The following PIN4 variants were observed in gnomAD, a reference collection of about 807,000 sequenced individuals.
PIN4 encodes the protein peptidylprolyl cis/trans isomerase, NIMA-interacting 4.
Under a neutral mutation model 8.3 loss-of-function variants are expected in PIN4, and 3 were observed. The observed-to-expected ratio is 0.36, with a 90% confidence interval of 0.16 to 0.93. The LOEUF is 0.93. PIN4 is among the 40% of genes least tolerant of loss of function. The pLI is 0.44. For synonymous variants in PIN4, 18 were observed against 32.5 expected (o/e 0.55, Z 1.52); for missense variants, 75 against 100.6 (o/e 0.75, Z 1.09).
At chrX:72,235,602 AG>A (rs372468352) in intron 3 of PIN4, among the ~76,000 whole-genome samples, 2,534 of 110,778 alleles carry the variant, frequency 0.023, 81 homozygotes, top group African/African-American at 0.08. Context: ...CACGTTGGCC[AG>A]GCTGGTCTCG....
At chrX:72,193,744 G>A (rs1436200874) in intron 2 of PIN4, among the ~76,000 whole-genome samples, 2 of 109,634 alleles carry the variant, frequency 1.8e-5, no homozygotes, top group Non-Finnish European at 3.8e-5. Flanking sequence ...GGTGACACGC[G>A]CCTGTAATCC....
At chrX:72,186,632 A>G (rs926876675) in intron 2 of PIN4, 98 bp downstream of exon 2, 4 of 560,712 alleles carry the variant, frequency 7.1e-6, no homozygotes, top group Non-Finnish European at 1.2e-5. Context: ...CTAACAGGCT[A>G]GCCTAACACT....
intron 3 of PIN4, among the ~76,000 whole-genome samples, chrX:72,251,129 G>A (rs1203120976): frequency 9.5e-6 from 1 of 104,960 alleles, no homozygotes; most frequent in African/African-American, 3.5e-5. Flanking sequence ...AGGCAGAGGC[G>A]GGCGGATCAC....
downstream of PIN4, among the ~76,000 whole-genome samples, chrX:72,202,968 C>T (rs183848942): frequency 1.1e-4 from 12 of 111,625 alleles, no homozygotes; most frequent in Admixed American, 3.8e-4. Flanking sequence ...TGGCTGGAGG[C>T]CCCTAGTAGC....
intron 3 of PIN4, among the ~76,000 whole-genome samples, chrX:72,209,503 G>A (rs762093455): frequency 2.7e-5 from 3 of 111,835 alleles, no homozygotes; most frequent in Admixed American, 1.9e-4. Context: ...GAGAATCCTT[G>A]ACCCCAACCT....
Position 72,221,131 on chromosome X carries a change from C to T in PIN4, c.312+24227C>T, listed in dbSNP as rs142224703. 1.7e-3 allele frequency among the ~76,000 whole-genome samples: 189 copies of T among 112,081 alleles called. 1 individual carries two copies. The highest frequency in any genetic ancestry group is 5.6e-3 in the African/African-American group (174 of 30,911). ...TTTAAACCTTCAGATCTTGGGAATC[C>T]ACCTCCAACTTCCCACAATGGGTAT... On this transcript the variant is annotated intron_variant, in intron 3 of 3. Transcript: ENST00000423432.
At chrX:72,205,844 C>T (rs989591724) in intron 3 of PIN4, 1 of 1,211,889 alleles carries the variant, frequency 8.3e-7, no homozygotes, top group Non-Finnish European at 1.1e-6. Context: ...TCTTTCTCAA[C>T]ATGCTCTAAA....
At chrX:72,206,332 G>C (rs2042819717) in intron 3 of PIN4, 1 of 1,209,893 alleles carries the variant, frequency 8.3e-7, no homozygotes, top group Admixed American at 2.2e-5. Context: ...TGGTAAAGTA[G>C]CTATAGAGTC....
chrX:72,185,147 CAAA>C (rs746215043), intron 1 of PIN4, among the ~76,000 whole-genome samples: 9 of 24,451 alleles, frequency 3.7e-4, no homozygotes, highest in South Asian at 8.9e-3. Context: ...GACTCCGTCT[CAAA>C]AAAAAAAAAA....
intron 3 of PIN4, among the ~76,000 whole-genome samples, chrX:72,235,540 C>T (rs913461542): frequency 5.4e-5 from 6 of 110,625 alleles, no homozygotes; most frequent in Non-Finnish European, 7.6e-5. Flanking sequence ...GGATTACAGG[C>T]GTGTACCACC....
chrX:72,238,890 G>A (rs1332305566), intron 3 of PIN4: 1 of 1,195,329 alleles, frequency 8.4e-7, no homozygotes, highest in Admixed American at 2.3e-5. Flanking sequence ...TCGGCTTCCG[G>A]AAACCTTCGG....
chrX:72,254,935 T>C (rs2043103271), intron 3 of PIN4, among the ~76,000 whole-genome samples: 1 of 111,482 alleles, frequency 9.0e-6, no homozygotes, highest in Non-Finnish European at 1.9e-5. Context: ...GGTGTCTCTG[T>C]GGGCCTCATC....
At chrX:72,213,918 G>A (rs1243646057) in intron 3 of PIN4, among the ~76,000 whole-genome samples, 1 of 111,965 alleles carries the variant, frequency 8.9e-6, no homozygotes, top group Non-Finnish European at 1.9e-5. Context: ...AGACCTGTCC[G>A]TTAACAGTTT....
At chrX:72,261,020 G>C (rs751062414) in intron 3 of PIN4, among the ~76,000 whole-genome samples, 2 of 111,594 alleles carry the variant, frequency 1.8e-5, no homozygotes, top group East Asian at 5.6e-4. Context: ...AAATTTAGCC[G>C]GGCGCGGTGG....
chrX:72,260,265 C>T (rs61261502), intron 3 of PIN4, among the ~76,000 whole-genome samples: 8,222 of 111,913 alleles, frequency 0.073, 489 homozygotes, highest in East Asian at 0.48. Flanking sequence ...CGCCCGGTGT[C>T]CTTCCGAGGG....
intron 3 of PIN4, among the ~76,000 whole-genome samples, chrX:72,260,854 T>G (rs1248281800): frequency 1.8e-5 from 2 of 111,818 alleles, no homozygotes; most frequent in East Asian, 5.6e-4. Context: ...AACCAATCCC[T>G]TCTTTCCGTC....
intron 3 of PIN4, among the ~76,000 whole-genome samples, chrX:72,246,622 C>G (rs1274627615): frequency 1.8e-5 from 2 of 111,730 alleles, no homozygotes; most frequent in African/African-American, 3.3e-5. Flanking sequence ...CCTACACATA[C>G]ATGCACACGA....
chrX:72,227,491 TC>T (rs1295055196), intron 3 of PIN4, among the ~76,000 whole-genome samples: 1 of 112,081 alleles, frequency 8.9e-6, no homozygotes, highest in Non-Finnish European at 1.9e-5. Context: ...CCCTTAATGC[TC>T]AGCCCCTTTG....
At chrX:72,249,995 A>G (rs1357933285) in intron 3 of PIN4, among the ~76,000 whole-genome samples, 1 of 110,518 alleles carries the variant, frequency 9.0e-6, no homozygotes, top group African/African-American at 3.3e-5. Context: ...AAATCTCCTC[A>G]GGTGATGCTA....
Sources: gnomAD v4.1 joint callset for allele counts (sites outside exome capture counted in the v4.1 genomes callset) on GRCh38, gnomAD v4.1.1 for gene constraint, MANE v1.5 for transcripts, NCBI Gene and HGNC (gene_info 2026-07-23, HGNC 2026-07-21) for gene names.